Variants in FRYL observed in about 807,000 individuals in gnomAD.
FRYL encodes FRY like transcription coactivator, also known as protein furry homolog-like.
Under a neutral mutation model 351.2 loss-of-function variants are expected in FRYL, and 150 were observed. The observed-to-expected ratio is 0.43, with a 90% CI of 0.37 to 0.49. The LOEUF (loss-of-function observed/expected upper bound fraction) is 0.49, where lower values mean the gene tolerates loss of function less well. Ranked by LOEUF, FRYL falls within the 20% of genes least tolerant of loss-of-function variation. The probability of loss-of-function intolerance (pLI) is 0.00; values close to 1 mark genes in which losing one functional copy is unlikely to be tolerated. For missense variants in FRYL, 3,036 were observed against 3,619.3 expected (o/e 0.84, Z 4.13); for synonymous variants, 1,153 against 1,257.1 (o/e 0.92, Z 1.75).
intron 1 of FRYL, among the ~76,000 whole-genome samples, chr4:48,738,677 T>A (rs1359258825): frequency 1.3e-5 from 2 of 151,554 alleles, no homozygotes; most frequent in Non-Finnish European, 2.9e-5. Flanking sequence ...TTTTTTTTTT[T>A]TTTTTTTGGT....
chr4:48,677,702 C>T (rs761733880), intron 3 of FRYL, among the ~76,000 whole-genome samples: 1 of 151,982 alleles, frequency 6.6e-6, no homozygotes. Context: ...TGAGCCACCG[C>T]GTCAGCCCGA....
chr4:48,596,835 G>A (rs1462851006), intron 13 of FRYL, among the ~76,000 whole-genome samples: 3 of 150,666 alleles, frequency 2.0e-5, no homozygotes, highest in African/African-American at 7.3e-5. Flanking sequence ...CAATAATTTT[G>A]AAATGTAGCT....
Position 48,754,664 on chromosome 4 carries a change from T to G in FRYL, c.-384+25414A>C, listed in dbSNP as rs78354153. Reference sequence around the variant, plus strand: ...CACTTGTGATTTTCTGGGGTTTTTTTGGGGTTTTTTTTTTTTTTTTTAAAT... The same window carrying G: ...CACTTGTGATTTTCTGGGGTTTTTTGGGGGTTTTTTTTTTTTTTTTTAAAT... On this transcript the variant is annotated intron_variant, in intron 1 of 63. Transcript: ENST00000358350. 1.6e-3 allele frequency among the ~76,000 whole-genome samples: 96 copies of G among 58,488 alleles called. No individual in the cohort carries two copies. In the East Asian group the frequency reaches 0.036, roughly 22 times the overall value. 38.4% of individuals were successfully genotyped at this position (58,488 alleles called of 152,430 possible). A position where few individuals can be genotyped will look rare whatever the true frequency, so the allele number is the denominator to read the frequency against.
chr4:48,521,569 A>G (rs1334514915), intron 54 of FRYL, among the ~76,000 whole-genome samples: 1 of 152,232 alleles, frequency 6.6e-6, no homozygotes, highest in Non-Finnish European at 1.5e-5. Context: ...GTGAATGGGC[A>G]CTAGAGACAG....
At chr4:48,691,634 A>G (rs1288951971) in intron 2 of FRYL, among the ~76,000 whole-genome samples, 1 of 152,198 alleles carries the variant, frequency 6.6e-6, no homozygotes, top group East Asian at 1.9e-4. Context: ...TAAGTACTCA[A>G]TAATGGTAAT....
At chr4:48,678,554 G>A (rs534671435) in intron 3 of FRYL, among the ~76,000 whole-genome samples, 76 of 146,240 alleles carry the variant, frequency 5.2e-4, no homozygotes, top group Non-Finnish European at 9.6e-4. Context: ...GAATTGATCA[G>A]TACAAGTACA....
chr4:48,605,042 A>G (rs1233693214), intron 11 of FRYL, among the ~76,000 whole-genome samples: 1 of 152,222 alleles, frequency 6.6e-6, no homozygotes, highest in Non-Finnish European at 1.5e-5. Context: ...ACTAAAACTG[A>G]CATGACTTAT....
At chr4:48,742,504 T>C (rs1225077644) in intron 1 of FRYL, among the ~76,000 whole-genome samples, 2 of 152,168 alleles carry the variant, frequency 1.3e-5, no homozygotes, top group Non-Finnish European at 2.9e-5. Flanking sequence ...TACTCCAACT[T>C]ATCCAGTCTC....
intron 1 of FRYL, among the ~76,000 whole-genome samples, chr4:48,750,627 C>T (rs1773156722): frequency 6.6e-6 from 1 of 151,932 alleles, no homozygotes; most frequent in Non-Finnish European, 1.5e-5. Context: ...AAGAAGGAGC[C>T]TATAGGATCT....
chr4:48,729,251 G>C (rs1406489173), intron 1 of FRYL, among the ~76,000 whole-genome samples: 1 of 152,228 alleles, frequency 6.6e-6, no homozygotes, highest in African/African-American at 2.4e-5. Flanking sequence ...ACTGGGCGGA[G>C]CCCACCACAG....
intron 60 of FRYL, among the ~76,000 whole-genome samples, chr4:48,504,427 A>G (rs1208679034): frequency 2.0e-5 from 3 of 152,114 alleles, no homozygotes. Flanking sequence ...AAAATCACTT[A>G]ATATAAACAC....
intron 28 of FRYL, among the ~76,000 whole-genome samples, chr4:48,566,651 CA>C (rs1259216982): frequency 1.3e-5 from 2 of 152,086 alleles, no homozygotes; most frequent in Non-Finnish European, 2.9e-5. Context: ...TTCAAAATAA[CA>C]ATGTGACTTT....
At chr4:48,778,319 TTGGACTGCTTTAATA>T (rs1776238688) in intron 1 of FRYL, among the ~76,000 whole-genome samples, 1 of 141,412 alleles carries the variant, frequency 7.1e-6, no homozygotes, top group Non-Finnish European at 1.5e-5. Context: ...CTTTAAAAAG[TTGGACTGCTTTAATA>T]AAAAAAAAAA....
chr4:48,547,291 A>G (rs1731563559), intron 41 of FRYL, among the ~76,000 whole-genome samples: 2 of 152,198 alleles, frequency 1.3e-5, no homozygotes, highest in African/African-American at 4.8e-5. Context: ...CAAGCTCAAC[A>G]TCTTTTTCGT....
At chr4:48,593,525 G>C (rs1487260404) in intron 16 of FRYL, among the ~76,000 whole-genome samples, 1 of 152,072 alleles carries the variant, frequency 6.6e-6, no homozygotes, top group Non-Finnish European at 1.5e-5. Context: ...TGTATTTTTA[G>C]GAGAGATGGG....
intron 24 of FRYL, 132 bp from the exon 25 acceptor site, chr4:48,575,373 T>C: frequency 1.1e-6 from 1 of 919,914 alleles, no homozygotes; most frequent in South Asian, 1.7e-5. Flanking sequence ...TACCTCAAAT[T>C]TCACCTGGGG....
At chr4:48,591,701 C>G (rs1743271517) in intron 16 of FRYL, among the ~76,000 whole-genome samples, 1 of 152,092 alleles carries the variant, frequency 6.6e-6, no homozygotes, top group Non-Finnish European at 1.5e-5. Flanking sequence ...CTGCCTTCTC[C>G]TATCATCATG....
chr4:48,633,470 T>A (rs1753647482), intron 4 of FRYL, among the ~76,000 whole-genome samples: 1 of 152,170 alleles, frequency 6.6e-6, no homozygotes, highest in Non-Finnish European at 1.5e-5. Flanking sequence ...CAACTACCAA[T>A]CAAGCAACTA....
At chr4:48,754,771 C>T (rs191805351) in intron 1 of FRYL, among the ~76,000 whole-genome samples, 2 of 150,758 alleles carry the variant, frequency 1.3e-5, no homozygotes, top group South Asian at 2.1e-4. Context: ...CCTTCCAAGT[C>T]GCTGGGACTA....
Sources: allele counts gnomAD v4.1 joint callset (sites outside exome capture counted in the v4.1 genomes callset), GRCh38; gene constraint gnomAD v4.1.1; transcripts MANE v1.5; gene names NCBI Gene and HGNC (gene_info 2026-07-23, HGNC 2026-07-21).